The following NRG3 variants were observed in gnomAD, a reference collection of about 807,000 sequenced individuals.
The protein encoded by NRG3 is pro-neuregulin-3, membrane-bound isoform.
In NRG3, 31 loss-of-function variants were observed where a neutral mutation model predicts 66.9. The ratio of observed to expected loss-of-function variants is 0.46; its 90% CI spans 0.35 to 0.63. The LOEUF (loss-of-function observed/expected upper bound fraction) is 0.63, where lower values mean the gene tolerates loss of function less well. Among genes scored for constraint, NRG3 ranks in the 20% least tolerant of loss-of-function variants. The probability of loss-of-function intolerance (pLI) is 0.00; values close to 1 mark genes in which losing one functional copy is unlikely to be tolerated. For synonymous variants in NRG3, 393 were observed against 359.4 expected, an observed-to-expected ratio of 1.09 and a Z score of -1.06; for missense variants, 910 against 878.9, an observed-to-expected ratio of 1.04 and a Z score of -0.45.
chr10:82,660,681 C>T (rs1450586530), intron 2 of NRG3, among the ~76,000 whole-genome samples: 2 of 152,088 alleles, frequency 1.3e-5, no homozygotes, highest in Admixed American at 1.3e-4. Flanking sequence ...GGATCTTTAC[C>T]CAATTATCTC....
intron 1 of NRG3, among the ~76,000 whole-genome samples, chr10:82,013,141 C>G (rs1205391847): frequency 6.6e-6 from 1 of 152,166 alleles, no homozygotes; most frequent in African/African-American, 2.4e-5. Context: ...CTCACAGTTC[C>G]TCATGGCTTG....
chr10:82,169,266 G>A (rs953137049), intron 1 of NRG3, among the ~76,000 whole-genome samples: 7 of 151,994 alleles, frequency 4.6e-5, no homozygotes, highest in African/African-American at 1.4e-4. Context: ...TGTTTTGAAT[G>A]TTAAGAATTT....
intron 2 of NRG3, among the ~76,000 whole-genome samples, chr10:82,628,263 T>G (rs1369547872): frequency 6.6e-6 from 1 of 152,226 alleles, no homozygotes; most frequent in Non-Finnish European, 1.5e-5. Flanking sequence ...CCGTTAGGCT[T>G]TTTCTGCAGT....
intron 2 of NRG3, among the ~76,000 whole-genome samples, chr10:82,398,384 C>T (rs1160882063): frequency 3.3e-5 from 5 of 152,098 alleles, no homozygotes; most frequent in Non-Finnish European, 5.9e-5. Context: ...AATATAGCCT[C>T]TCCCAAATTT....
intron 2 of NRG3, among the ~76,000 whole-genome samples, chr10:82,581,943 G>A (rs12356244): frequency 0.1 from 15,534 of 151,894 alleles, 968 homozygotes; most frequent in South Asian, 0.22. Context: ...GCATAGAGAT[G>A]TTCAGTTGTT....
chr10:82,170,785 G>A (rs1319763631), intron 1 of NRG3, among the ~76,000 whole-genome samples: 2 of 147,266 alleles, frequency 1.4e-5, no homozygotes, highest in South Asian at 2.1e-4. Context: ...ATTGCCATTC[G>A]ATTGCCAGCC....
At chr10:82,214,513 G>A (rs894072946) in intron 1 of NRG3, among the ~76,000 whole-genome samples, 3 of 152,118 alleles carry the variant, frequency 2.0e-5, no homozygotes, top group African/African-American at 7.2e-5. Flanking sequence ...CATTTAGGCC[G>A]GAATGCAGTG....
At chr10:82,830,367 T>C (rs1351001551) in intron 3 of NRG3, among the ~76,000 whole-genome samples, 1 of 152,198 alleles carries the variant, frequency 6.6e-6, no homozygotes. Flanking sequence ...TAACAAAATA[T>C]CTTTTCCTTC....
chr10:81,930,431 CAG>C (rs1415108803), intron 1 of NRG3, among the ~76,000 whole-genome samples: 2 of 151,610 alleles, frequency 1.3e-5, no homozygotes, highest in Non-Finnish European at 2.9e-5. Flanking sequence ...AAGAGACACA[CAG>C]GGCAGTTTCT....
At chr10:82,562,665 A>C (rs928512357) in intron 2 of NRG3, among the ~76,000 whole-genome samples, 4 of 152,162 alleles carry the variant, frequency 2.6e-5, no homozygotes, top group African/African-American at 9.7e-5. Flanking sequence ...TGAATATAGT[A>C]AAAGTTTTTT....
At chr10:82,395,291 C>T (rs1054167007) in intron 2 of NRG3, among the ~76,000 whole-genome samples, 6 of 152,136 alleles carry the variant, frequency 3.9e-5, no homozygotes, top group Admixed American at 6.6e-5. Flanking sequence ...AGTTAATTGA[C>T]GTACATATAT....
intron 2 of NRG3, among the ~76,000 whole-genome samples, chr10:82,727,184 A>T (rs2057648352): frequency 6.6e-6 from 1 of 152,226 alleles, no homozygotes; most frequent in African/African-American, 2.4e-5. Flanking sequence ...CAATTTTCTG[A>T]GGAGAAATTC....
intron 1 of NRG3, among the ~76,000 whole-genome samples, chr10:81,972,784 A>C (rs1753646220): frequency 6.6e-6 from 1 of 152,144 alleles, no homozygotes; most frequent in African/African-American, 2.4e-5. Context: ...TTTTTCAAGG[A>C]GCTCAATGAA....
At chr10:82,024,292 C>G (rs896078395) in intron 1 of NRG3, among the ~76,000 whole-genome samples, 1 of 151,654 alleles carries the variant, frequency 6.6e-6, no homozygotes, top group South Asian at 2.1e-4. Flanking sequence ...TGCAAAATAA[C>G]AAGTTGTATT....
intron 3 of NRG3, among the ~76,000 whole-genome samples, chr10:82,851,415 C>G (rs550096694): frequency 6.6e-6 from 1 of 152,248 alleles, no homozygotes; most frequent in South Asian, 2.1e-4. Flanking sequence ...GGCTCAGCAG[C>G]AGCAGCATGC....
intron 1 of NRG3, among the ~76,000 whole-genome samples, chr10:82,211,018 T>C (rs564665207): frequency 1.6e-4 from 25 of 152,220 alleles, no homozygotes; most frequent in African/African-American, 5.8e-4. Flanking sequence ...AAATGACCTT[T>C]TGAGCTAATT....
chr10:82,643,884 G>A (rs549695670), intron 2 of NRG3, among the ~76,000 whole-genome samples: 11 of 56,026 alleles, frequency 2.0e-4, no homozygotes, highest in East Asian at 1.3e-3. Flanking sequence ...TGACACACAC[G>A]CGCACACACA....
intron 1 of NRG3, among the ~76,000 whole-genome samples, chr10:82,310,140 C>G (rs933894819): frequency 2.6e-5 from 4 of 152,154 alleles, no homozygotes; most frequent in African/African-American, 9.7e-5. Flanking sequence ...TCAGAGTAAT[C>G]TTTTCATGTA....
chr10:82,151,042 T>G (rs926603656), intron 1 of NRG3, among the ~76,000 whole-genome samples: 24 of 152,140 alleles, frequency 1.6e-4, no homozygotes, highest in Non-Finnish European at 2.8e-4. Flanking sequence ...TTGTGCAAAA[T>G]CTGGCAAAAA....
Sources: allele counts gnomAD v4.1 joint callset (sites outside exome capture counted in the v4.1 genomes callset), GRCh38; gene constraint gnomAD v4.1.1; transcripts MANE v1.5; gene names NCBI Gene and HGNC (gene_info 2026-07-23, HGNC 2026-07-21).